The following BRSK1 variants were observed in gnomAD, a reference collection of about 807,000 sequenced individuals.
The protein encoded by BRSK1 is BR serine/threonine kinase 1.
A neutral mutation model predicts 86.2 loss-of-function variants in BRSK1; 17 were observed. The observed-to-expected ratio is 0.20, with a 90% CI of 0.14 to 0.30. BRSK1 has a LOEUF of 0.30. BRSK1 is among the 10% of genes least tolerant of loss of function. The pLI is 1.00. For missense variants in BRSK1, 719 were observed against 1,071.9 expected (o/e 0.67, Z 4.60); for synonymous variants, 464 against 440.1 (o/e 1.05, Z -0.68).
chr19:55,303,531 G>T lies in BRSK1; in HGVS notation c.1126+123G>T. On this transcript the variant is annotated intron_variant, in intron 11 of 18. Transcript: ENST00000309383. This position sits in a 1 kb window ranked among gnomAD's most constrained non-coding sequence, Gnocchi z 5.1. ...GGCTCTGAGCTTCCAGCTTTAGACTGCTTGACTTGCTCTTTGACATTTATC... is the reference window on the plus strand; with the variant it reads ...GGCTCTGAGCTTCCAGCTTTAGACTTCTTGACTTGCTCTTTGACATTTATC... 2 of 1,474,042 alleles carry T rather than the reference G, an allele frequency of 1.4e-6. No individual in the cohort carries two copies. Among genetic ancestry groups the T allele is most frequent in the Admixed American group, 3.8e-5 (2 of 52,270 alleles). 91.3% of individuals were successfully genotyped at this position (1,474,042 alleles called of 1,614,324 possible).
chr19:55,302,724 C>G lies in BRSK1; in HGVS notation c.885C>G (p.Cys295Trp). The G allele has an allele frequency of 6.2e-7, 1 of 1,612,334 alleles. No individual in the cohort carries two copies. Among genetic ancestry groups the G allele is most frequent in the Non-Finnish European group, 8.5e-7 (1 of 1,178,996 alleles). Residue 295 changes from cysteine to tryptophan, a missense_variant, in exon 10 of 19, where the codon TGC becomes TGG. By Grantham distance (215) the Cys-to-Trp change is radical (BLOSUM62 -2). Coordinates refer to ENST00000309383, the MANE Select transcript of BRSK1 (RefSeq NM_032430.2). The surrounding 1 kb of genome is among the most constrained non-coding windows in gnomAD (Gnocchi z 6.3). ...GCGGGAAACACGAGCCAGACCCGTG[C>G]CTGGAGCCAGCCCCTGGCCGCCGGG... ...YLGGKHEPDP[C>W]LEPAPGRRVA...
In BRSK1 at chr19:55,284,191, G is replaced by GA; in HGVS notation, c.-251dup. On this transcript the variant is annotated 5_prime_UTR_variant, in exon 1 of 19. An upstream open reading frame in the 5' UTR loses its in-frame stop. Transcript: ENST00000309383. ...GGGGGCCGGCCAGAAACGGGCTGGG[G>GA]AGGGGGGGCCCCGCAGCCCCCCTGG... The GA allele has an allele frequency of 1.2e-6, 1 of 866,812 alleles. No individual in the cohort carries two copies. The highest frequency in any genetic ancestry group is 1.5e-6 in the Non-Finnish European group (1 of 657,070). 53.7% of individuals were successfully genotyped at this position (866,812 alleles called of 1,614,324 possible). A position where few individuals can be genotyped will look rare whatever the true frequency, so the allele number is the denominator to read the frequency against.
intron 7 of BRSK1, among the ~76,000 whole-genome samples, chr19:55,300,349 T>C (rs1228072971): frequency 2.0e-5 from 3 of 152,164 alleles, no homozygotes; most frequent in Non-Finnish European, 2.9e-5. Context: ...CCCATTGCCA[T>C]TTTCAGAGCA....
rs549941182 is a variant in BRSK1 at position 55,302,613 on chromosome 19, C to A, written c.858-84C>A. ...GGGGCCGGGGCCTAGACTCGGATTT[C>A]GGGGTCCGGGATCATTGAGTCTAGA... is the stretch of plus-strand genomic sequence containing the variant. On this transcript the variant is annotated intron_variant, in intron 9 of 18. Coordinates refer to ENST00000309383, the MANE Select transcript of BRSK1 (RefSeq NM_032430.2). This position sits in a 1 kb window ranked among gnomAD's most constrained non-coding sequence, Gnocchi z 6.3. The A allele has an allele frequency of 6.7e-7, 1 of 1,502,864 alleles. No homozygotes were observed. Among genetic ancestry groups the A allele is most frequent in the African/African-American group, 1.4e-5 (1 of 71,706 alleles). The allele number at this position is 1,502,864 out of a possible 1,614,324, so 93.1% of individuals were successfully genotyped here.
In BRSK1 at chr19:55,294,203, C is replaced by T; in HGVS notation, c.576-11C>T. 1 of 1,613,506 alleles carries T rather than the reference C, an allele frequency of 6.2e-7. No homozygotes were observed. The highest frequency in any genetic ancestry group is 8.5e-7 in the Non-Finnish European group (1 of 1,179,558). On this transcript the variant is annotated splice_polypyrimidine_tract_variant and intron_variant, in intron 5 of 18. Transcript: ENST00000309383. This position sits in a 1 kb window ranked among gnomAD's most constrained non-coding sequence, Gnocchi z 4.9. ...AGCTGGCTGGAGGCTCACATCAGCTCTCTCCCTCAGGTCCCCCCATTATGC... is the reference window on the plus strand; with the variant it reads ...AGCTGGCTGGAGGCTCACATCAGCTTTCTCCCTCAGGTCCCCCCATTATGC...
chr19:55,285,347 C>G (rs1316073065), intron 1 of BRSK1, among the ~76,000 whole-genome samples: 1 of 152,028 alleles, frequency 6.6e-6, no homozygotes, highest in Non-Finnish European at 1.5e-5. Context: ...TGCTCCAGTC[C>G]CCATAGGGGC....
chr19:55,309,652 C>G (rs1186761948), intron 18 of BRSK1, among the ~76,000 whole-genome samples: 3 of 152,208 alleles, frequency 2.0e-5, no homozygotes, highest in Non-Finnish European at 2.9e-5. Flanking sequence ...GCCCCACCCT[C>G]ATGACCTCAT....
intron 17 of BRSK1, among the ~76,000 whole-genome samples, chr19:55,307,407 C>T (rs1034365595): frequency 4.0e-5 from 6 of 151,690 alleles, no homozygotes; most frequent in East Asian, 3.9e-4. Context: ...AAATAAGCCT[C>T]GCGTGGTGGT....
intron 3 of BRSK1, among the ~76,000 whole-genome samples, chr19:55,288,667 C>T (rs1356177805): frequency 6.6e-6 from 1 of 151,938 alleles, no homozygotes; most frequent in Non-Finnish European, 1.5e-5. Flanking sequence ...CTCACCACAA[C>T]CTCCACCTCC....
At chr19:55,295,140 T>TTTTCA (rs1568982559) in intron 7 of BRSK1, among the ~76,000 whole-genome samples, 58 of 149,250 alleles carry the variant, frequency 3.9e-4, no homozygotes, top group African/African-American at 1.3e-3. Context: ...TTTTATTTTT[T>TTTTCA]GAGAGAGGAT....
chr19:55,290,051 A>G (rs1230702081), intron 4 of BRSK1, among the ~76,000 whole-genome samples: 2 of 152,078 alleles, frequency 1.3e-5, no homozygotes, highest in Non-Finnish European at 2.9e-5. Context: ...CAGGAGTGCA[A>G]TGGTGTGATC....
At chr19:55,290,247 A>G (rs2063915427) in intron 4 of BRSK1, among the ~76,000 whole-genome samples, 1 of 152,114 alleles carries the variant, frequency 6.6e-6, no homozygotes. Flanking sequence ...CTGCCCGCCT[A>G]GGCCTCCTAA....
At chr19:55,295,901 T>G (rs1172817) in intron 7 of BRSK1, among the ~76,000 whole-genome samples, 79,526 of 151,866 alleles carry the variant, frequency 0.52, 21,264 homozygotes, top group Middle Eastern at 0.67. Context: ...CCCAGGAGGT[T>G]GAGTTTGCAA....
intron 17 of BRSK1, among the ~76,000 whole-genome samples, chr19:55,307,887 G>C (rs2088684333): frequency 6.6e-6 from 1 of 151,018 alleles, no homozygotes; most frequent in African/African-American, 2.4e-5. Context: ...CCAGGAGGTT[G>C]AGGCTGCAGT....
At chr19:55,297,067 GT>G (rs992338236) in intron 7 of BRSK1, among the ~76,000 whole-genome samples, 8 of 152,136 alleles carry the variant, frequency 5.3e-5, no homozygotes, top group Non-Finnish European at 8.8e-5. Context: ...GAATACATAA[GT>G]TTTTTTGTTT....
At chr19:55,289,441 A>G (rs200666169) in intron 3 of BRSK1, 39 bp from the exon 4 acceptor site, 9 of 1,588,530 alleles carry the variant, frequency 5.7e-6, no homozygotes, top group South Asian at 1.1e-5. Flanking sequence ...GGTCCTCCAC[A>G]TGCCCCTTCC....
At chr19:55,292,004 C>T (rs559840304) in intron 4 of BRSK1, among the ~76,000 whole-genome samples, 8 of 152,292 alleles carry the variant, frequency 5.3e-5, no homozygotes, top group Admixed American at 2.6e-4. Context: ...AGGTGATCCA[C>T]CCACCTCGGC....
chr19:55,286,038 G>A lies in BRSK1; in HGVS notation c.137-969G>A, dbSNP rs537015918. Among the ~76,000 whole-genome samples the A allele has an allele frequency of 2.2e-4, 18 of 80,300 alleles. 1 individual carries two copies. The highest frequency in any genetic ancestry group is 9.4e-4 in the East Asian group (2 of 2,118). 52.7% of individuals were successfully genotyped at this position (80,300 alleles called of 152,430 possible). A position where few individuals can be genotyped will look rare whatever the true frequency, so the allele number is the denominator to read the frequency against. On this transcript the variant is annotated intron_variant, in intron 1 of 18. Coordinates refer to ENST00000309383, the MANE Select transcript of BRSK1 (RefSeq NM_032430.2). The stretch of plus-strand genomic sequence containing the variant: ...GAGTGCTGAGTCTAAGGGAGGAGGG[G>A]CTGGGGGTCTGGAGTGCTGGGTCTG...
chr19:55,301,929 T>TG (rs1204817479), intron 8 of BRSK1: 2 of 794,422 alleles, frequency 2.5e-6, no homozygotes, highest in Non-Finnish European at 4.3e-6. Context: ...GGCAAAGTAA[T>TG]GCGGCCGGTC....
Sources: gnomAD v4.1 joint callset for allele counts (sites outside exome capture counted in the v4.1 genomes callset) on GRCh38, gnomAD v4.1.1 for gene constraint, Gnocchi (gnomAD v3.1) non-coding constraint, MANE v1.5 for transcripts, NCBI Gene and HGNC (gene_info 2026-07-23, HGNC 2026-07-21) for gene names.